PLPP1: variants seen among roughly 807,000 people sequenced by gnomAD.
PLPP1 encodes the protein lipid phosphate phosphohydrolase 1a.
Under a neutral mutation model 31.2 loss-of-function variants are expected in PLPP1, and 24 were observed. The observed-to-expected ratio is 0.77, with a 90% CI of 0.56 to 1.08. PLPP1 has a LOEUF of 1.08. Ranked by LOEUF, PLPP1 falls within the 50% of genes least tolerant of loss-of-function variation. PLPP1 has a pLI of 0.00. For missense variants in PLPP1, 319 were observed against 342.7 expected, an observed-to-expected ratio of 0.93 and a Z score of 0.55; for synonymous variants, 146 against 126.3, an observed-to-expected ratio of 1.16 and a Z score of -1.05.
intron 1 of PLPP1, among the ~76,000 whole-genome samples, chr5:55,526,070 CTTCT>C (rs1740419965): frequency 1.3e-5 from 2 of 151,770 alleles, no homozygotes; most frequent in African/African-American, 4.8e-5. Context: ...TTGCTGCCAA[CTTCT>C]TTTTTTAAAA....
intron 1 of PLPP1, among the ~76,000 whole-genome samples, chr5:55,526,055 G>GA (rs1439114274): frequency 6.6e-6 from 1 of 151,826 alleles, no homozygotes; most frequent in East Asian, 1.9e-4. Flanking sequence ...GGAGTTTAGT[G>GA]ACTTTTGCTG....
chr5:55,444,394 GT>G (rs2111717792), intron 3 of PLPP1, among the ~76,000 whole-genome samples: 1 of 152,048 alleles, frequency 6.6e-6, no homozygotes, highest in East Asian at 1.9e-4. Context: ...AATGCAGTTT[GT>G]TTTCATCATA....
At chr5:55,497,468 G>T (rs974711292) in intron 1 of PLPP1, among the ~76,000 whole-genome samples, 8 of 149,644 alleles carry the variant, frequency 5.3e-5, no homozygotes, top group Admixed American at 1.3e-4. Flanking sequence ...TCCTAGGCTG[G>T]TCTCAAACTC....
At chr5:55,463,834 T>TAAGA (rs1752224264) in intron 3 of PLPP1, among the ~76,000 whole-genome samples, 1 of 144,804 alleles carries the variant, frequency 6.9e-6, no homozygotes, top group African/African-American at 2.5e-5. Flanking sequence ...AATAAATAAA[T>TAAGA]AAGAAAATAC....
In PLPP1 at chr5:55,490,917, C is replaced by T. The variant is rs376209239; in HGVS notation, c.59-15467G>A. The T allele has an allele frequency of 3.2e-6, 5 of 1,564,886 alleles. No individual in the cohort carries two copies. In the African/African-American group the frequency reaches 6.8e-5, roughly 21 times the overall value. Reference sequence around the variant, plus strand: ...CCAACTCCATGCTTCATCCAACCTCCAGCACAACAAACCCATCACTACCTA... The same window carrying T: ...CCAACTCCATGCTTCATCCAACCTCTAGCACAACAAACCCATCACTACCTA... On this transcript the variant is annotated intron_variant, in intron 1 of 5. Coordinates refer to ENST00000307259, the MANE Select transcript of PLPP1 (RefSeq NM_003711.4).
At chr5:55,433,690 G>GGTTT (rs1561221333) in intron 4 of PLPP1, among the ~76,000 whole-genome samples, 1 of 150,124 alleles carries the variant, frequency 6.7e-6, no homozygotes, top group Non-Finnish European at 1.5e-5. Context: ...CAACAGAGAC[G>GGTTT]GTTTCACTGT....
chr5:55,426,641 CAAGT>C (rs1751205065), intron 4 of PLPP1, among the ~76,000 whole-genome samples: 1 of 151,862 alleles, frequency 6.6e-6, no homozygotes, highest in Non-Finnish European at 1.5e-5. Flanking sequence ...CTCCTCGTCT[CAAGT>C]AACCCGCCTG....
At chr5:55,518,065 T>A (rs1052192641) in intron 1 of PLPP1, among the ~76,000 whole-genome samples, 2 of 152,020 alleles carry the variant, frequency 1.3e-5, no homozygotes, top group African/African-American at 4.8e-5. Flanking sequence ...AGACTACTGA[T>A]CTCGTGATCC....
intron 1 of PLPP1, among the ~76,000 whole-genome samples, chr5:55,498,294 G>C (rs1001947935): frequency 6.6e-6 from 1 of 151,908 alleles, no homozygotes; most frequent in Non-Finnish European, 1.5e-5. Flanking sequence ...AGATGTTAAG[G>C]GCCTGAAACA....
intron 1 of PLPP1, among the ~76,000 whole-genome samples, chr5:55,521,593 C>T (rs916293407): frequency 1.3e-5 from 2 of 152,090 alleles, no homozygotes; most frequent in Non-Finnish European, 2.9e-5. Context: ...CTCTGTGTAC[C>T]TTTTGAGGAT....
At chr5:55,504,612 T>C (rs943597049) in intron 1 of PLPP1, among the ~76,000 whole-genome samples, 1 of 149,622 alleles carries the variant, frequency 6.7e-6, no homozygotes, top group Non-Finnish European at 1.5e-5. Context: ...CAGGGCAACA[T>C]GCACCTACAT....
intron 3 of PLPP1, among the ~76,000 whole-genome samples, chr5:55,458,914 A>AAAAAAAAAAAAC (rs1387046910): frequency 1.3e-4 from 20 of 148,972 alleles, no homozygotes; most frequent in Admixed American, 2.0e-4. Context: ...AAAAAAAAAA[A>AAAAAAAAAAAAC]AACACATAGC....
At chr5:55,529,001 CATT>C (rs1469677043) in intron 1 of PLPP1, among the ~76,000 whole-genome samples, 1 of 151,992 alleles carries the variant, frequency 6.6e-6, no homozygotes, top group Non-Finnish European at 1.5e-5. Flanking sequence ...CACGGTCACA[CATT>C]ATATCTGAGA....
intron 1 of PLPP1, among the ~76,000 whole-genome samples, chr5:55,500,801 C>G (rs1753126658): frequency 6.6e-6 from 1 of 151,988 alleles, no homozygotes; most frequent in South Asian, 2.1e-4. Flanking sequence ...AAAGAAATAA[C>G]GGGGGGAACA....
intron 4 of PLPP1, among the ~76,000 whole-genome samples, chr5:55,441,516 G>C (rs1021758034): frequency 1.3e-4 from 20 of 152,186 alleles, no homozygotes; most frequent in Non-Finnish European, 2.5e-4. Flanking sequence ...AAGGAAAGAA[G>C]CTCTGCTGCT....
chr5:55,450,799 TC>T (rs1751874451), intron 3 of PLPP1, among the ~76,000 whole-genome samples: 1 of 152,108 alleles, frequency 6.6e-6, no homozygotes, highest in South Asian at 2.1e-4. Flanking sequence ...TGTGCGTCAC[TC>T]CTTTGCAGGC....
At chr5:55,440,605 T>C (rs548513038) in intron 4 of PLPP1, among the ~76,000 whole-genome samples, 5 of 151,252 alleles carry the variant, frequency 3.3e-5, no homozygotes, top group African/African-American at 1.2e-4. Context: ...CTGTGCTTCT[T>C]CACAAAATTT....
chr5:55,468,243 CA>C (rs1752346952), intron 2 of PLPP1, 94 bp from the exon 3 acceptor site: 6 of 1,148,174 alleles, frequency 5.2e-6, no homozygotes, highest in Non-Finnish European at 7.3e-6. Flanking sequence ...TGGTAAATCG[CA>C]AAAATATCTT....
At chr5:55,462,744 T>C (rs374993539) in intron 3 of PLPP1, among the ~76,000 whole-genome samples, 7 of 151,876 alleles carry the variant, frequency 4.6e-5, no homozygotes, top group Admixed American at 1.3e-4. Flanking sequence ...GAGGCCAAGG[T>C]GGGCGGATCA....
Sources: gnomAD v4.1 joint callset for allele counts (sites outside exome capture counted in the v4.1 genomes callset) on GRCh38, gnomAD v4.1.1 for gene constraint, MANE v1.5 for transcripts, NCBI Gene and HGNC (gene_info 2026-07-23, HGNC 2026-07-21) for gene names.